ZCCHC2: variants seen among roughly 807,000 people sequenced by gnomAD.
ZCCHC2 encodes the protein zinc finger CCHC domain-containing protein 2.
A neutral mutation model predicts 103.6 loss-of-function variants in ZCCHC2; 39 were observed. The observed-to-expected ratio is 0.38, with a 90% CI of 0.29 to 0.49. The LOEUF is 0.49. Ranked by LOEUF, ZCCHC2 falls within the 20% of genes least tolerant of loss-of-function variation. ZCCHC2 has a pLI of 0.96. For synonymous variants in ZCCHC2, 687 were observed against 608.9 expected, an observed-to-expected ratio of 1.13 and a Z score of -1.89; for missense variants, 1,483 against 1,491.0, an observed-to-expected ratio of 0.99 and a Z score of 0.09.
chr18:62,564,786 C>G lies in ZCCHC2; in HGVS notation c.1751+151C>G, dbSNP rs558778440. ...TTTTGGTTCAAAATATTAATATATG[C>G]AGGTGATAAAAATAAAGCTACTGTC... On this transcript the variant is annotated intron_variant, in intron 10 of 13. Transcript: ENST00000269499. 1.3e-4 allele frequency among the ~76,000 whole-genome samples: 19 copies of G among 151,660 alleles called. 1 individual carries two copies. Among genetic ancestry groups the G allele is most frequent in the South Asian group, 8.5e-4 (4 of 4,712 alleles).
At chr18:62,524,642 T>A in intron 1 of ZCCHC2, 1 of 427,314 alleles carries the variant, frequency 2.3e-6, no homozygotes, top group Non-Finnish European at 4.0e-6. Context: ...ACGGAAGACG[T>A]GGAGCTCCCC....
intron 13 of ZCCHC2, 87 bp downstream of exon 13, chr18:62,575,637 C>T (rs758011241): frequency 6.4e-5 from 92 of 1,444,002 alleles, no homozygotes; most frequent in Non-Finnish European, 8.2e-5. Context: ...TCTGTTGTAG[C>T]AGAAAGATCT....
rs1027842732 is a variant in ZCCHC2 at position 62,544,716 on chromosome 18, G to A, written c.1129-86G>A. ...GTTAATCTTAGTAAAATTTAAGTAA[G>A]GCCCTTTGTTTTTGCACATGGCTTT... On this transcript the variant is annotated intron_variant, in intron 3 of 13. Coordinates refer to ENST00000269499, the MANE Select transcript of ZCCHC2 (RefSeq NM_017742.6). The A allele has an allele frequency of 1.1e-5, 11 of 1,031,666 alleles. No individual in the cohort carries two copies. In the Admixed American group the frequency reaches 1.5e-4, roughly 14 times the overall value. The allele number at this position is 1,031,666 out of a possible 1,614,324, so 63.9% of individuals were successfully genotyped here.
In ZCCHC2 at chr18:62,574,001, C is replaced by A. The variant is rs1157932971; in HGVS notation, c.1976-56C>A. 3.3e-6 allele frequency: 5 copies of A among 1,509,348 alleles called. No homozygotes were observed. In the Admixed American group the frequency reaches 8.4e-5, roughly 25 times the overall value. 93.5% of individuals were successfully genotyped at this position (1,509,348 alleles called of 1,614,324 possible). Reference sequence around the variant, plus strand: ...AGGTATACTCAATGTTTATTTCTAGCAAGAAAGATGGGAGTTATGCCCGTG... The same window carrying A: ...AGGTATACTCAATGTTTATTTCTAGAAAGAAAGATGGGAGTTATGCCCGTG... On this transcript the variant is annotated intron_variant, in intron 12 of 13. Transcript: ENST00000269499.
intron 12 of ZCCHC2, among the ~76,000 whole-genome samples, chr18:62,573,440 C>G (rs556887664): frequency 1.0e-3 from 156 of 152,180 alleles, no homozygotes; most frequent in Non-Finnish European, 1.3e-3. Flanking sequence ...GGAGAAATTG[C>G]CACACTCTCC....
In ZCCHC2 at chr18:62,523,577, G is replaced by A. The variant is rs1366977923; in HGVS notation, c.153G>A (p.Ala51=). The part of the protein sequence containing the change: ...CRPPPPPPPP[A]GPSRGPLPPP... ...CCCCGCCGCCGCCGCCGCCGCCCGCGGGCCCGTCGCGGGGCCCTCTGCCGC... is the reference window on the plus strand; with the variant it reads ...CCCCGCCGCCGCCGCCGCCGCCCGCAGGCCCGTCGCGGGGCCCTCTGCCGC... Residue 51 remains alanine, a synonymous_variant, in exon 1 of 14, where the codon GCG becomes GCA. Coordinates refer to ENST00000269499, the MANE Select transcript of ZCCHC2 (RefSeq NM_017742.6). 1 of 946,834 alleles carries A rather than the reference G, an allele frequency of 1.1e-6. No homozygotes were observed. The highest frequency in any genetic ancestry group is 1.9e-5 in the African/African-American group (1 of 51,770). The allele number at this position is 946,834 out of a possible 1,614,324, so 58.7% of individuals were successfully genotyped here.
intron 5 of ZCCHC2, among the ~76,000 whole-genome samples, chr18:62,554,567 A>T (rs1915802374): frequency 6.6e-6 from 1 of 152,156 alleles, no homozygotes; most frequent in Admixed American, 6.5e-5. Flanking sequence ...CCCCGCCTTT[A>T]TCTCATTTGT....
At chr18:62,555,533 G>C (rs1427593359) in intron 5 of ZCCHC2, among the ~76,000 whole-genome samples, 1 of 152,188 alleles carries the variant, frequency 6.6e-6, no homozygotes, top group Non-Finnish European at 1.5e-5. Flanking sequence ...CAAAGGCCAG[G>C]CTCAGTGGCT....
At chr18:62,569,278 C>T (rs1048210158) in intron 11 of ZCCHC2, among the ~76,000 whole-genome samples, 2 of 152,162 alleles carry the variant, frequency 1.3e-5, no homozygotes, top group Non-Finnish European at 2.9e-5. Flanking sequence ...TTTTCTCTGA[C>T]ACATATTTTG....
rs1243369563 is a variant in ZCCHC2, at chr18:62,577,641, T to A, written c.*1062T>A. ...GTCTCTCATAGCAAAGTCACTTTTATAACAGTTTACCACTATGCTTGATTA... is the reference window on the plus strand; with the variant it reads ...GTCTCTCATAGCAAAGTCACTTTTAAAACAGTTTACCACTATGCTTGATTA... On this transcript the variant is annotated 3_prime_UTR_variant, in exon 14 of 14. Coordinates refer to ENST00000269499, the MANE Select transcript of ZCCHC2 (RefSeq NM_017742.6). The A allele has an allele frequency of 6.6e-6, 1 of 152,614 alleles. No homozygotes were observed. The highest frequency in any genetic ancestry group is 1.5e-5 in the Non-Finnish European group (1 of 68,042). 9.5% of individuals were successfully genotyped at this position (152,614 alleles called of 1,614,324 possible).
intron 1 of ZCCHC2, among the ~76,000 whole-genome samples, chr18:62,528,169 G>A (rs968523526): frequency 4.6e-5 from 7 of 152,146 alleles, no homozygotes; most frequent in African/African-American, 1.7e-4. Flanking sequence ...GTAAACTTTC[G>A]ATACTAAGGC....
intron 1 of ZCCHC2, among the ~76,000 whole-genome samples, chr18:62,532,539 T>G (rs1239273860): frequency 6.6e-6 from 1 of 152,218 alleles, no homozygotes; most frequent in Non-Finnish European, 1.5e-5. Flanking sequence ...GCCTTTAGAC[T>G]CAAAATCTCC....
chr18:62,536,610 G>A (rs535138098), intron 1 of ZCCHC2, among the ~76,000 whole-genome samples: 1 of 152,290 alleles, frequency 6.6e-6, no homozygotes, highest in South Asian at 2.1e-4. Context: ...GCATCGCCGA[G>A]CAGCCACCCA....
At chr18:62,549,698 A>G (rs193210893) in intron 4 of ZCCHC2, among the ~76,000 whole-genome samples, 21 of 152,348 alleles carry the variant, frequency 1.4e-4, no homozygotes, top group Admixed American at 1.1e-3. Flanking sequence ...TTTAAAACCT[A>G]AAAGTTTTAT....
Position 62,576,561 on chromosome 18 carries a change from G to T in ZCCHC2, c.3519G>T (p.Thr1173=). The T allele has an allele frequency of 1.2e-6, 2 of 1,613,638 alleles. No homozygotes were observed. The highest frequency in any genetic ancestry group is 1.7e-6 in the Non-Finnish European group (2 of 1,179,722). Residue 1173 remains threonine (T), a synonymous_variant, in exon 14 of 14, where the codon ACG becomes ACT. Coordinates refer to ENST00000269499, the MANE Select transcript of ZCCHC2 (RefSeq NM_017742.6). Reference sequence around the variant, plus strand: ...CTCCCCTCCCCCCTTCTAATGATACGTTGGATTCTGCAGACTGAAACGAGT... The same window carrying T: ...CTCCCCTCCCCCCTTCTAATGATACTTTGGATTCTGCAGACTGAAACGAGT... ...YAPPLPPSND[T]LDSAD is the part of the protein sequence containing the mutation.
Position 62,523,376 on chromosome 18 carries a change from G to GGGGGGGGGGGCCCC in ZCCHC2, c.-49_-48insGGGGGGGGGGCCCC. 2 of 1,012,354 alleles carry GGGGGGGGGGGCCCC rather than the reference G, an allele frequency of 2.0e-6. No individual in the cohort carries two copies. Among genetic ancestry groups the GGGGGGGGGGGCCCC allele is most frequent in the Non-Finnish European group, 2.4e-6 (2 of 848,990 alleles). 62.7% of individuals were successfully genotyped at this position (1,012,354 alleles called of 1,614,324 possible). ...GCCTCGGCCCGTGCTCCACCTCGCGGCCCCTCCCGCCCGCCCCCGCTCGCA... is the reference window on the plus strand; with the variant it reads ...GCCTCGGCCCGTGCTCCACCTCGCGGGGGGGGGGGGCCCCCCCCTCCCGCCCGCCCCCGCTCGCA... On this transcript the variant is annotated 5_prime_UTR_variant, in exon 1 of 14. Coordinates refer to ENST00000269499, the MANE Select transcript of ZCCHC2 (RefSeq NM_017742.6).
In ZCCHC2 at chr18:62,539,726, T is replaced by G; in HGVS notation, c.985T>G (p.Leu329Val). The G allele has an allele frequency of 6.2e-7, 1 of 1,606,420 alleles. No individual in the cohort carries two copies. The highest frequency in any genetic ancestry group is 8.5e-7 in the Non-Finnish European group (1 of 1,176,384). Residue 329 changes from leucine to valine, a missense_variant, in exon 2 of 14, where the codon TTA becomes GTA. Coordinates refer to ENST00000269499, the MANE Select transcript of ZCCHC2 (RefSeq NM_017742.6). Reference sequence around the variant, plus strand: ...TTACATGCAAAATAACGAGAGCAGCTTAATAGAGCAAGCTCCAATACCTCA... The same window carrying G: ...TTACATGCAAAATAACGAGAGCAGCGTAATAGAGCAAGCTCCAATACCTCA... ...GDYMQNNESS[L>V]IEQAPIPQDG...
chr18:62,561,558 C>T lies in ZCCHC2; in HGVS notation c.1550+914C>T, dbSNP rs376316888. 3.3e-5 allele frequency among the ~76,000 whole-genome samples: 5 copies of T among 152,312 alleles called. No individual in the cohort carries two copies. The East Asian group carries it at 7.7e-4, about 24-fold the overall frequency. On this transcript the variant is annotated intron_variant, in intron 8 of 13. Coordinates refer to ENST00000269499, the MANE Select transcript of ZCCHC2 (RefSeq NM_017742.6). ...GTCATTCTGGGAGGGCCCAGAAGCT[C>T]GGAGCTCCTGATGCTTCCAGCCTCC...
chr18:62,562,664 C>T (rs1448015757), intron 8 of ZCCHC2, among the ~76,000 whole-genome samples: 1 of 152,172 alleles, frequency 6.6e-6, no homozygotes, highest in Non-Finnish European at 1.5e-5. Context: ...CCTGTTCCTT[C>T]ATGTGCCCAG....
Sources: gnomAD v4.1 joint callset for allele counts (sites outside exome capture counted in the v4.1 genomes callset) on GRCh38, gnomAD v4.1.1 for gene constraint, MANE v1.5 for transcripts, NCBI Gene and HGNC (gene_info 2026-07-23, HGNC 2026-07-21) for gene names.